Variants in UNC5D observed in about 807,000 individuals in gnomAD.
The protein encoded by UNC5D is unc-5 netrin receptor D.
In UNC5D, 39 loss-of-function variants were observed where a neutral mutation model predicts 105.4. That is an observed-to-expected ratio of 0.37 (90% CI 0.29 to 0.48). The LOEUF (loss-of-function observed/expected upper bound fraction) is 0.48, where lower values mean the gene tolerates loss of function less well. Ranked by LOEUF, UNC5D falls within the 20% of genes least tolerant of loss-of-function variation. The pLI is 0.98. For synonymous variants in UNC5D, 452 were observed against 450.4 expected (o/e 1.00, Z -0.04); for missense variants, 991 against 1,202.4 (o/e 0.82, Z 2.60).
At chr8:35,247,658 AAT>A (rs1413389153) in intron 1 of UNC5D, among the ~76,000 whole-genome samples, 20 of 36,626 alleles carry the variant, frequency 5.5e-4, no homozygotes, top group Non-Finnish European at 6.7e-4. Context: ...TTATATATAA[AAT>A]ATATATAATA....
At chr8:35,751,411 A>G (rs1446280498) in intron 13 of UNC5D, among the ~76,000 whole-genome samples, 2 of 152,204 alleles carry the variant, frequency 1.3e-5, no homozygotes, top group Non-Finnish European at 2.9e-5. Flanking sequence ...CCGATTTGTT[A>G]GTCCTACAAA....
At chr8:35,748,393 C>T in intron 11 of UNC5D, 134 bp from the exon 12 acceptor site, 1 of 917,826 alleles carries the variant, frequency 1.1e-6, no homozygotes, top group South Asian at 1.9e-5. Flanking sequence ...CCAGACCAGT[C>T]CTTTGTAAAA....
intron 1 of UNC5D, among the ~76,000 whole-genome samples, chr8:35,314,378 A>T (rs1265670660): frequency 6.6e-6 from 1 of 152,194 alleles, no homozygotes; most frequent in African/African-American, 2.4e-5. Context: ...CTATGAAAGT[A>T]CAATTATTTT....
chr8:35,618,596 T>G (rs1198039258), intron 4 of UNC5D, among the ~76,000 whole-genome samples: 2 of 152,224 alleles, frequency 1.3e-5, no homozygotes, highest in Non-Finnish European at 2.9e-5. Flanking sequence ...TTAGTTACCA[T>G]ACATTGAGGA....
At chr8:35,398,835 G>A (rs1804264177) in intron 1 of UNC5D, among the ~76,000 whole-genome samples, 1 of 152,036 alleles carries the variant, frequency 6.6e-6, no homozygotes, top group African/African-American at 2.4e-5. Context: ...TTTTTAAACA[G>A]GAGTTTAAAA....
At chr8:35,744,102 G>C (rs922488197) in intron 11 of UNC5D, among the ~76,000 whole-genome samples, 1 of 152,188 alleles carries the variant, frequency 6.6e-6, no homozygotes, top group African/African-American at 2.4e-5. Context: ...TTTGAAGAGT[G>C]CAGGTGAGTT....
intron 3 of UNC5D, among the ~76,000 whole-genome samples, chr8:35,577,165 A>G (rs893244180): frequency 2.0e-5 from 3 of 152,346 alleles, no homozygotes. Context: ...TGTGTGTTTT[A>G]AAATCAAGGA....
intron 3 of UNC5D, among the ~76,000 whole-genome samples, chr8:35,589,830 T>G (rs1819044773): frequency 6.6e-6 from 1 of 152,188 alleles, no homozygotes; most frequent in South Asian, 2.1e-4. Context: ...TGCATCAATA[T>G]TCTTTCCTTT....
At chr8:35,702,467 C>T (rs1827275892) in intron 7 of UNC5D, among the ~76,000 whole-genome samples, 1 of 152,058 alleles carries the variant, frequency 6.6e-6, no homozygotes, top group African/African-American at 2.4e-5. Context: ...CCAACACCAC[C>T]ACCAAGAACC....
intron 2 of UNC5D, among the ~76,000 whole-genome samples, chr8:35,554,139 T>A (rs1816364089): frequency 6.6e-6 from 1 of 152,206 alleles, no homozygotes. Context: ...TTCGTGTTCC[T>A]AAATTGGAAG....
At chr8:35,557,184 C>A (rs1178083813) in intron 2 of UNC5D, among the ~76,000 whole-genome samples, 1 of 152,156 alleles carries the variant, frequency 6.6e-6, no homozygotes, top group African/African-American at 2.4e-5. Context: ...TATTGTCAGA[C>A]AACACTATGA....
rs1252005646 is a variant in UNC5D at position 35,795,099 on chromosome 8, T to TA, written c.*4542dup. On this transcript the variant is annotated 3_prime_UTR_variant, in exon 17 of 17. Coordinates refer to ENST00000404895, the MANE Select transcript of UNC5D (RefSeq NM_080872.4). ...ACCCGCCCTCCATCTGACCCAAAGA[T>TA]AAAAAAGGCATCAAGCTTCATGGTT... is the stretch of plus-strand genomic sequence containing the variant. 1 of 152,122 alleles carries TA rather than the reference T, an allele frequency of 6.6e-6. No homozygotes were observed. Among genetic ancestry groups the TA allele is most frequent in the Admixed American group, 6.5e-5 (1 of 15,272 alleles). The allele number at this position is 152,122 out of a possible 1,614,324, so 9.4% of individuals were successfully genotyped here. A position where few individuals can be genotyped will look rare whatever the true frequency, so the allele number is the denominator to read the frequency against.
At chr8:35,579,015 A>G (rs1818298877) in intron 3 of UNC5D, among the ~76,000 whole-genome samples, 1 of 152,204 alleles carries the variant, frequency 6.6e-6, no homozygotes, top group African/African-American at 2.4e-5. Flanking sequence ...ATTCACCTTA[A>G]AAGTTCCTGG....
intron 4 of UNC5D, among the ~76,000 whole-genome samples, chr8:35,641,543 T>C (rs1563622135): frequency 6.6e-6 from 1 of 152,236 alleles, no homozygotes; most frequent in East Asian, 1.9e-4. Flanking sequence ...TTAGCCTTCA[T>C]TAGACATTGA....
chr8:35,248,218 A>G (rs1165638065), intron 1 of UNC5D, among the ~76,000 whole-genome samples: 11 of 102,676 alleles, frequency 1.1e-4, no homozygotes, highest in African/African-American at 4.8e-4. Flanking sequence ...TATATAATAT[A>G]TAAATATATG....
chr8:35,598,821 G>A (rs573960269), intron 4 of UNC5D, among the ~76,000 whole-genome samples: 11 of 152,112 alleles, frequency 7.2e-5, no homozygotes, highest in South Asian at 2.1e-4. Context: ...AAAATACCAC[G>A]GGATCTCACC....
At chr8:35,296,286 A>G (rs1280566723) in intron 1 of UNC5D, among the ~76,000 whole-genome samples, 1 of 152,172 alleles carries the variant, frequency 6.6e-6, no homozygotes, top group Non-Finnish European at 1.5e-5. Flanking sequence ...ACAGTGTACA[A>G]GGTTCCCTTT....
At chr8:35,602,300 A>T (rs185273206) in intron 4 of UNC5D, among the ~76,000 whole-genome samples, 95 of 152,300 alleles carry the variant, frequency 6.2e-4, no homozygotes, top group Admixed American at 2.7e-3. Flanking sequence ...TATCAGGATG[A>T]TGCTGGCCTC....
chr8:35,750,630 G>T lies in UNC5D; in HGVS notation c.1984G>T (p.Asp662Tyr). The change falls in exon 13 of 17, where the codon GAC (aspartate) becomes TAC (tyrosine). Residue 662 changes from aspartate to tyrosine, a missense_variant. Coordinates refer to ENST00000404895, the MANE Select transcript of UNC5D (RefSeq NM_080872.4). Reference sequence around the variant, plus strand: ...ATCTACATCCTGTTACTGCCTTTTGGACCCCTTTGCGTGTCATGTGCTCCT... The same window carrying T: ...ATCTACATCCTGTTACTGCCTTTTGTACCCCTTTGCGTGTCATGTGCTCCT... ...DESTSCYCLL[D>Y]PFACHVLLDS... The T allele has an allele frequency of 6.2e-7, 1 of 1,614,006 alleles. No homozygotes were observed. The highest frequency in any genetic ancestry group is 2.2e-5 in the East Asian group (1 of 44,836).
Sources: allele counts gnomAD v4.1 joint callset (sites outside exome capture counted in the v4.1 genomes callset), GRCh38; gene constraint gnomAD v4.1.1; transcripts MANE v1.5; gene names NCBI Gene and HGNC (gene_info 2026-07-23, HGNC 2026-07-21).